ZNF550: variants seen among roughly 807,000 people sequenced by gnomAD.
The protein encoded by ZNF550 is zinc finger protein 550.
A neutral mutation model predicts 40.2 loss-of-function variants in ZNF550; 42 were observed. The ratio of observed to expected loss-of-function variants is 1.05; its 90% CI spans 0.82 to 1.35. ZNF550 has a LOEUF of 1.35. ZNF550 is among the 40% of genes most tolerant of loss of function. The pLI is 0.00. For synonymous variants in ZNF550, 223 were observed against 198.6 expected, an observed-to-expected ratio of 1.12 and a Z score of -1.03; for missense variants, 549 against 525.2, an observed-to-expected ratio of 1.05 and a Z score of -0.44.
In ZNF550 at chr19:57,556,062, A is replaced by C. The variant is rs1485257928; in HGVS notation, c.154+169T>G. 3.7e-6 allele frequency: 3 copies of C among 811,138 alleles called. No individual in the cohort carries two copies. The African/African-American group carries it at 5.1e-5, about 14-fold the overall frequency. 50.2% of individuals were successfully genotyped at this position (811,138 alleles called of 1,614,324 possible). On this transcript the variant is annotated intron_variant, in intron 2 of 4. Transcript: ENST00000457177. The stretch of plus-strand genomic sequence containing the variant: ...CACTGGAGTGAGGGTTTGTGTTAAA[A>C]GGACATTTTCTACCCCGACAATCTC...
chr19:57,546,763 TG>T, exon 4 of ZNF550: 5 of 1,345,642 alleles, frequency 3.7e-6, no homozygotes, highest in Non-Finnish European at 4.8e-6. Context: ...GAGTGGTGAC[TG>T]AAGGGATCCT....
At chr19:57,553,760 C>G (rs2090095252) in intron 2 of ZNF550, 1 of 152,120 alleles carries the variant, frequency 6.6e-6, no homozygotes, top group Non-Finnish European at 1.5e-5. Flanking sequence ...GCTTTCAGAA[C>G]CACTTGGGGA....
chr19:57,559,651 C>T lies in ZNF550; in HGVS notation c.27+5G>A, dbSNP rs919489745. On this transcript the variant is annotated splice_donor_5th_base_variant and intron_variant, in intron 1 of 4. Transcript: ENST00000457177. ...GGCCGCGGGGAGCCGAGCCAGTCTG[C>T]TCACCTGCGCTGCGTCCTTCGTCTC... The T allele has an allele frequency of 8.6e-6, 13 of 1,504,476 alleles. No homozygotes were observed. Among genetic ancestry groups the T allele is most frequent in the African/African-American group, 2.8e-5 (2 of 72,254 alleles). The allele number at this position is 1,504,476 out of a possible 1,614,324, so 93.2% of individuals were successfully genotyped here.
intron 4 of ZNF550, chr19:57,543,756 T>G (rs1188878584): frequency 3.7e-5 from 16 of 432,388 alleles, no homozygotes; most frequent in Non-Finnish European, 4.6e-5. Flanking sequence ...GCCAACATGG[T>G]GAAACCCCGT....
intron 4 of ZNF550, chr19:57,543,977 A>G (rs957736242): frequency 9.0e-5 from 89 of 985,240 alleles, no homozygotes; most frequent in Non-Finnish European, 1.1e-4. Context: ...TCAATCATAA[A>G]CTGTGGAAAA....
chr19:57,560,971 A>C (rs2090161943), upstream of ZNF550, among the ~76,000 whole-genome samples: 1 of 152,134 alleles, frequency 6.6e-6, no homozygotes, highest in South Asian at 2.1e-4. Flanking sequence ...AGAGTGGAAT[A>C]ATTATTAGGT....
chr19:57,545,684 C>CAGAT (rs1168269180), intron 4 of ZNF550, among the ~76,000 whole-genome samples: 1 of 152,052 alleles, frequency 6.6e-6, no homozygotes, highest in Non-Finnish European at 1.5e-5. Flanking sequence ...CAGTTTGAGA[C>CAGAT]AAATCTGGGG....
chr19:57,549,661 T>A (rs1485739417), intron 3 of ZNF550, among the ~76,000 whole-genome samples: 1 of 152,046 alleles, frequency 6.6e-6, no homozygotes, highest in East Asian at 1.9e-4. Flanking sequence ...ATGGGTAGAT[T>A]CACCCTTTGG....
At chr19:57,556,651 T>C (rs543490184) in intron 1 of ZNF550, 1 of 286,326 alleles carries the variant, frequency 3.5e-6, no homozygotes, top group Non-Finnish European at 6.7e-6. Context: ...ATTAAAAGAA[T>C]GGAGGAAAAT....
chr19:57,558,401 G>A (rs778915413), intron 1 of ZNF550, among the ~76,000 whole-genome samples: 1 of 152,172 alleles, frequency 6.6e-6, no homozygotes, highest in East Asian at 1.9e-4. Flanking sequence ...CTGGTAGGAG[G>A]GGGTGGATTT....
At chr19:57,547,576 C>T in exon 4 of ZNF550, 2 of 1,614,170 alleles carry the variant, frequency 1.2e-6, no homozygotes, top group Non-Finnish European at 8.5e-7. Context: ...AGTGTGAACC[C>T]TCTGATGTCG....
chr19:57,553,522 A>G, intron 2 of ZNF550: 1 of 152,218 alleles, frequency 6.6e-6, no homozygotes, highest in Non-Finnish European at 1.5e-5. Context: ...GGTTCAAGGG[A>G]TTCTCGTGCC....
At chr19:57,558,484 G>A (rs1248851085) in intron 1 of ZNF550, among the ~76,000 whole-genome samples, 1 of 152,190 alleles carries the variant, frequency 6.6e-6, no homozygotes, top group Non-Finnish European at 1.5e-5. Context: ...TACAATAAAT[G>A]TACTTAAGCC....
At chr19:57,557,521 A>G (rs570430443) in intron 1 of ZNF550, 99 of 152,240 alleles carry the variant, frequency 6.5e-4, no homozygotes, top group African/African-American at 1.7e-3. Flanking sequence ...ATAGTGATCA[A>G]TAAATACTGA....
At chr19:57,552,694 G>A (rs372009485) in exon 3 of ZNF550, 3 of 1,598,212 alleles carry the variant, frequency 1.9e-6, no homozygotes, top group Non-Finnish European at 2.5e-6. Context: ...CTAGCAGGTG[G>A]ACCAACTCTG....
chr19:57,556,166 G>A, intron 2 of ZNF550, 65 bp downstream of exon 2: 9 of 1,609,662 alleles, frequency 5.6e-6, no homozygotes, highest in Non-Finnish European at 6.8e-6. Flanking sequence ...CAGTTCCAGT[G>A]ACCTTTTTGC....
At chr19:57,547,945 A>C (rs1038234325) in exon 4 of ZNF550, 2 of 1,614,066 alleles carry the variant, frequency 1.2e-6, no homozygotes, top group East Asian at 4.5e-5. Flanking sequence ...CTCAGATAAG[A>C]CTGGCGGGTA....
chr19:57,545,652 C>T (rs901713047), intron 4 of ZNF550, among the ~76,000 whole-genome samples: 2 of 146,500 alleles, frequency 1.4e-5, no homozygotes, highest in East Asian at 2.0e-4. Context: ...GGAGGCTAAG[C>T]AGGATGATGA....
At position 57,547,984 on chromosome 19, in the gene ZNF550, GCT is replaced by G; in HGVS notation, c.258_259del (p.Arg86SerfsTer17). 1 of 1,612,624 alleles carries G rather than the reference GCT, an allele frequency of 6.2e-7. No homozygotes were observed. The highest frequency in any genetic ancestry group is 8.5e-7 in the Non-Finnish European group (1 of 1,179,362). On this transcript the variant is annotated frameshift_variant, in exon 4 of 5. Coordinates refer to ENST00000457177, the Ensembl canonical transcript of ZNF550. LOFTEE classifies it high-confidence loss of function. ...GGTTGGCTCTCTGGTATGAACTTGTGCTCTGTCACCTGAAGGGCATCAACAAA... is the reference window on the plus strand; with the variant it reads ...GGTTGGCTCTCTGGTATGAACTTGTGCTGTCACCTGAAGGGCATCAACAAA...
Sources: gnomAD v4.1 joint callset for allele counts (sites outside exome capture counted in the v4.1 genomes callset) on GRCh38, gnomAD v4.1.1 for gene constraint, MANE v1.5 for transcripts, NCBI Gene and HGNC (gene_info 2026-07-23, HGNC 2026-07-21) for gene names.